BRSK2: variants seen among roughly 807,000 people sequenced by gnomAD.
BRSK2 encodes the protein BR serine/threonine kinase 2, also known as serine/threonine-protein kinase BRSK2.
BRSK2 carries 19 observed loss-of-function variants against 83.3 expected under a neutral mutation model. The ratio of observed to expected loss-of-function variants is 0.23; its 90% CI spans 0.16 to 0.33. BRSK2 has a LOEUF of 0.33. Among genes scored for constraint, BRSK2 ranks in the 10% least tolerant of loss-of-function variants. The probability of loss-of-function intolerance (pLI) is 1.00; values close to 1 mark genes in which losing one functional copy is unlikely to be tolerated. For missense variants in BRSK2, 798 were observed against 1,042.3 expected, an observed-to-expected ratio of 0.77 and a Z score of 3.23; for synonymous variants, 519 against 435.4, an observed-to-expected ratio of 1.19 and a Z score of -2.39.
intron 15 of BRSK2, chr11:1,453,713 G>A (rs942664381): frequency 4.2e-5 from 5 of 119,218 alleles, no homozygotes; most frequent in African/African-American, 1.2e-4. Context: ...AGAATCAGTC[G>A]GGAGAGGGCA....
At chr11:1,428,499 G>A (rs1849510354) in intron 1 of BRSK2, among the ~76,000 whole-genome samples, 1 of 152,250 alleles carries the variant, frequency 6.6e-6, no homozygotes, top group Admixed American at 6.5e-5. Context: ...TAGGGGTGAA[G>A]GGGCCCCACT....
intron 1 of BRSK2, among the ~76,000 whole-genome samples, chr11:1,397,063 C>T (rs1389981400): frequency 6.6e-6 from 1 of 152,264 alleles, no homozygotes; most frequent in Non-Finnish European, 1.5e-5. Flanking sequence ...CTCTGTGCTG[C>T]CCTGTGCTCT....
At chr11:1,447,983 G>A (rs1007802673) in intron 12 of BRSK2, 1 of 1,018,616 alleles carries the variant, frequency 9.8e-7, no homozygotes, top group Non-Finnish European at 1.5e-6. Context: ...TCCTGCTGCG[G>A]TGAAGCCAGC....
Position 1,436,149 on chromosome 11 carries a change from GGAGGGA to G in BRSK2, c.186+17_186+22del. On this transcript the variant is annotated intron_variant, in intron 2 of 19. Coordinates refer to ENST00000528841, the MANE Select transcript of BRSK2 (RefSeq NM_001256627.2). ...TGCTGATGAAGGTGGGTGGGGCCGG[GGAGGGA>G]GGCGGGGCCGGCGGTGGGGTGGGGC... 1.1e-6 allele frequency: 1 copy of G among 929,688 alleles called. No homozygotes were observed. Among genetic ancestry groups the G allele is most frequent in the Non-Finnish European group, 1.6e-6 (1 of 640,078 alleles). 57.6% of individuals were successfully genotyped at this position (929,688 alleles called of 1,614,324 possible).
chr11:1,400,029 A>G (rs1590313484), intron 1 of BRSK2, among the ~76,000 whole-genome samples: 1 of 152,382 alleles, frequency 6.6e-6, no homozygotes, highest in Admixed American at 6.5e-5. Context: ...GTCTGCACAT[A>G]TAACAGAGAA....
intron 2 of BRSK2, 114 bp downstream of exon 2, chr11:1,436,248 G>GA (rs1850288262): frequency 3.3e-6 from 1 of 306,578 alleles, no homozygotes; most frequent in Admixed American, 5.2e-5. Flanking sequence ...GTGGGGGGGC[G>GA]GGCCCTGCAG....
chr11:1,425,157 G>T (rs1053051758), intron 1 of BRSK2, among the ~76,000 whole-genome samples: 2 of 152,230 alleles, frequency 1.3e-5, no homozygotes, highest in East Asian at 1.9e-4. Context: ...CGGTCCCGGC[G>T]CTCTCAGCAC....
chr11:1,425,768 A>C (rs759479478), intron 1 of BRSK2, among the ~76,000 whole-genome samples: 3 of 152,048 alleles, frequency 2.0e-5, no homozygotes, highest in Non-Finnish European at 4.4e-5. Flanking sequence ...CTTCTGGGCG[A>C]GGGTGGGTAG....
At chr11:1,408,368 C>T (rs1008095109) in intron 1 of BRSK2, among the ~76,000 whole-genome samples, 4 of 152,230 alleles carry the variant, frequency 2.6e-5, no homozygotes, top group African/African-American at 9.6e-5. Flanking sequence ...AGGTCACCAT[C>T]CACCTTAGAA....
intron 13 of BRSK2, among the ~76,000 whole-genome samples, chr11:1,450,215 C>T (rs752239652): frequency 7.2e-5 from 11 of 151,906 alleles, no homozygotes; most frequent in Non-Finnish European, 1.0e-4. Flanking sequence ...CTGCGCCTCC[C>T]CGTAGCCTAT....
Position 1,438,708 on chromosome 11 carries a change from C to T in BRSK2, c.272+317C>T, listed in dbSNP as rs1270223120. Among the ~76,000 whole-genome samples the T allele has an allele frequency of 6.6e-6, 1 of 152,106 alleles. No homozygotes were observed. The highest frequency in any genetic ancestry group is 2.4e-5 in the African/African-American group (1 of 41,410). ...CAGGGCAAGGGGCAGGAGCACCTGGCCCTCCCCACATGGCCACGCTGAGCC... is the reference window on the plus strand; with the variant it reads ...CAGGGCAAGGGGCAGGAGCACCTGGTCCTCCCCACATGGCCACGCTGAGCC... On this transcript the variant is annotated intron_variant, in intron 3 of 19. Transcript: ENST00000528841. This position sits in a 1 kb window ranked among gnomAD's most constrained non-coding sequence, Gnocchi z 6.4.
At chr11:1,397,024 C>G (rs1317878130) in intron 1 of BRSK2, among the ~76,000 whole-genome samples, 1 of 152,242 alleles carries the variant, frequency 6.6e-6, no homozygotes, top group Non-Finnish European at 1.5e-5. Flanking sequence ...CAGCATCTGT[C>G]AGGCCCCTTG....
At chr11:1,394,196 C>T (rs1405271474) in intron 1 of BRSK2, among the ~76,000 whole-genome samples, 1 of 85,390 alleles carries the variant, frequency 1.2e-5, no homozygotes, top group South Asian at 4.8e-4. Context: ...TGGAGATGGG[C>T]CATGGAGATG....
intron 1 of BRSK2, among the ~76,000 whole-genome samples, chr11:1,401,990 C>T (rs1460469474): frequency 6.6e-6 from 1 of 152,192 alleles, no homozygotes; most frequent in Non-Finnish European, 1.5e-5. Flanking sequence ...TTCGGTGCCT[C>T]CTGCTGGCCA....
chr11:1,391,816 A>G (rs1845746454), intron 1 of BRSK2, among the ~76,000 whole-genome samples: 1 of 152,170 alleles, frequency 6.6e-6, no homozygotes, highest in African/African-American at 2.4e-5. Flanking sequence ...TGTTATTATA[A>G]GGAAACATCT....
chr11:1,452,705 GC>G (rs1037975960), intron 15 of BRSK2, among the ~76,000 whole-genome samples: 11 of 151,440 alleles, frequency 7.3e-5, no homozygotes, highest in African/African-American at 2.7e-4. Context: ...GCCTGCGACA[GC>G]CGTTCCCGAG....
intron 1 of BRSK2, among the ~76,000 whole-genome samples, chr11:1,427,986 A>T (rs1849448457): frequency 6.6e-6 from 1 of 152,188 alleles, no homozygotes; most frequent in African/African-American, 2.4e-5. Context: ...GACCCCAGGG[A>T]AGCTTTACCT....
chr11:1,421,972 G>A (rs1267473507), intron 1 of BRSK2, among the ~76,000 whole-genome samples: 1 of 151,806 alleles, frequency 6.6e-6, no homozygotes, highest in Non-Finnish European at 1.5e-5. Flanking sequence ...GTGGGGGTGG[G>A]GTCGGGGCAG....
At chr11:1,456,203 C>G in intron 16 of BRSK2, 145 bp from the exon 17 acceptor site, 5 of 863,824 alleles carry the variant, frequency 5.8e-6, no homozygotes, top group Middle Eastern at 3.6e-4. Flanking sequence ...CGTCTCCAAC[C>G]GCACTGTGCC....
Sources: allele counts gnomAD v4.1 joint callset (sites outside exome capture counted in the v4.1 genomes callset), GRCh38; gene constraint gnomAD v4.1.1; non-coding constraint Gnocchi (gnomAD v3.1); transcripts MANE v1.5; gene names NCBI Gene and HGNC (gene_info 2026-07-23, HGNC 2026-07-21).